TAS2R1: variants seen among roughly 807,000 people sequenced by gnomAD.
TAS2R1 encodes taste 2 receptor member 1.
For synonymous variants in TAS2R1, 141 were observed against 134.2 expected (o/e 1.05, Z -0.35); for missense variants, 370 against 353.4 (o/e 1.05, Z -0.38).
At chr5:9,896,638 T>C in the TAS2R1 span, among the ~76,000 whole-genome samples, 1 of 152,180 alleles carries the variant, frequency 6.6e-6, no homozygotes, top group Non-Finnish European at 1.5e-5. Context: ...TGGCTTTACT[T>C]TGTGCCCCAA....
the TAS2R1 span, among the ~76,000 whole-genome samples, chr5:9,809,716 T>C: frequency 6.6e-6 from 1 of 152,172 alleles, no homozygotes; most frequent in Non-Finnish European, 1.5e-5. Context: ...CTTGATCCAG[T>C]AATAAAAACC....
At chr5:9,643,515 G>A (rs1740126787) in intron 2 of TAS2R1, among the ~76,000 whole-genome samples, 2 of 152,158 alleles carry the variant, frequency 1.3e-5, no homozygotes, top group African/African-American at 2.4e-5. Flanking sequence ...AGAGGTGAGT[G>A]AATGTGAAGG....
At chr5:9,761,860 T>A in the TAS2R1 span, among the ~76,000 whole-genome samples, 1 of 152,224 alleles carries the variant, frequency 6.6e-6, no homozygotes, top group East Asian at 1.9e-4. Context: ...CTCACTTTTC[T>A]TGGCTTTCTG....
At chr5:9,767,986 C>G in the TAS2R1 span, among the ~76,000 whole-genome samples, 1 of 150,720 alleles carries the variant, frequency 6.6e-6, no homozygotes, top group Non-Finnish European at 1.5e-5. Context: ...GTACTGGATT[C>G]CCTTTTTAAT....
At chr5:9,840,865 T>TTA in the TAS2R1 span, among the ~76,000 whole-genome samples, 1 of 5,212 alleles carries the variant, frequency 1.9e-4, no homozygotes. Context: ...TTATTTTTTT[T>TTA]TTTTTTTTTT....
At chr5:9,662,529 C>T (rs1740557107) in intron 1 of TAS2R1, among the ~76,000 whole-genome samples, 1 of 152,194 alleles carries the variant, frequency 6.6e-6, no homozygotes, top group African/African-American at 2.4e-5. Flanking sequence ...CATATGGCCA[C>T]ATCTAACTCC....
At chr5:9,873,749 G>A in the TAS2R1 span, among the ~76,000 whole-genome samples, 1 of 151,764 alleles carries the variant, frequency 6.6e-6, no homozygotes, top group Non-Finnish European at 1.5e-5. Context: ...TGCACTTGTA[G>A]TCCCGGCTAC....
At chr5:9,879,178 A>G in the TAS2R1 span, among the ~76,000 whole-genome samples, 1 of 152,270 alleles carries the variant, frequency 6.6e-6, no homozygotes. Context: ...TTAAAAATCA[A>G]AGTTAATGCA....
chr5:9,841,258 G>T, the TAS2R1 span, among the ~76,000 whole-genome samples: 1 of 152,130 alleles, frequency 6.6e-6, no homozygotes, highest in African/African-American at 2.4e-5. Flanking sequence ...TGAATATGGT[G>T]CTGAATGTCT....
At chr5:9,875,428 G>A in the TAS2R1 span, among the ~76,000 whole-genome samples, 1 of 152,316 alleles carries the variant, frequency 6.6e-6, no homozygotes, top group African/African-American at 2.4e-5. Flanking sequence ...AGTCTTGTCT[G>A]GGGAGACAGA....
chr5:9,755,900 T>G, the TAS2R1 span, among the ~76,000 whole-genome samples: 20 of 152,308 alleles, frequency 1.3e-4, no homozygotes, highest in African/African-American at 4.8e-4. Flanking sequence ...CATCTTGGTT[T>G]TGGTGGGTTT....
the TAS2R1 span, among the ~76,000 whole-genome samples, chr5:9,725,795 G>A: frequency 7.2e-5 from 11 of 152,364 alleles, no homozygotes; most frequent in East Asian, 3.9e-4. Context: ...GGGCTCCTGC[G>A]TCTGGTGGGG....
chr5:9,708,242 C>T (rs374743480), intron 1 of TAS2R1, among the ~76,000 whole-genome samples: 3 of 152,172 alleles, frequency 2.0e-5, no homozygotes, highest in Admixed American at 6.5e-5. Context: ...CGTATCCTAG[C>T]GATGGCAGGC....
At chr5:9,902,570 T>G in the TAS2R1 span, 2 of 152,008 alleles carry the variant, frequency 1.3e-5, no homozygotes, top group African/African-American at 4.8e-5. Flanking sequence ...TCTTCTTAGA[T>G]CCATCATAGA....
chr5:9,685,635 C>T (rs1460417705), intron 1 of TAS2R1, among the ~76,000 whole-genome samples: 1 of 152,078 alleles, frequency 6.6e-6, no homozygotes, highest in East Asian at 1.9e-4. Flanking sequence ...CAACAGATCT[C>T]AAAACTTTGG....
intron 1 of TAS2R1, among the ~76,000 whole-genome samples, chr5:9,674,277 T>C (rs1283863233): frequency 6.6e-6 from 1 of 152,188 alleles, no homozygotes; most frequent in African/African-American, 2.4e-5. Context: ...TAGTATATTA[T>C]GAAATATTTC....
chr5:9,743,917 T>G, the TAS2R1 span, among the ~76,000 whole-genome samples: 1 of 152,258 alleles, frequency 6.6e-6, no homozygotes, highest in South Asian at 2.1e-4. Flanking sequence ...TGAAATTCCA[T>G]TTTTATATTT....
chr5:9,662,081 C>T lies in TAS2R1; in HGVS notation c.-241-2500G>A, dbSNP rs898391503. Among the ~76,000 whole-genome samples the T allele has an allele frequency of 3.3e-5, 5 of 152,140 alleles. No individual in the cohort carries two copies. In the South Asian group the frequency reaches 1.0e-3, roughly 31 times the overall value. Reference sequence around the variant, plus strand: ...CTGGCAGTCAGCAGAAGTTGTGAAGCCTCAGAAGGCTTTTACTCAGAACAG... The same window carrying T: ...CTGGCAGTCAGCAGAAGTTGTGAAGTCTCAGAAGGCTTTTACTCAGAACAG... On this transcript the variant is annotated intron_variant, in intron 1 of 2. Coordinates refer to the TAS2R1 transcript ENST00000506620.
chr5:9,629,800 C>A lies in TAS2R1; in HGVS notation c.233G>T (p.Cys78Phe). 6.2e-7 allele frequency: 1 copy of A among 1,613,980 alleles called. No homozygotes were observed. Among genetic ancestry groups the A allele is most frequent in the Non-Finnish European group, 8.5e-7 (1 of 1,179,946 alleles). Residue 78 changes from cysteine to phenylalanine, a missense_variant, in exon 1 of 1, where the codon TGT becomes TTT. Cys to Phe is a radical substitution (Grantham distance 205). Coordinates refer to ENST00000382492, the MANE Select transcript of TAS2R1 (RefSeq NM_019599.3). ...IVIFFIEFIMCSANCAILLFI... is the reference protein window; with the variant it reads ...IVIFFIEFIMFSANCAILLFI... ...TAAGAGAATTGCACAATTCGCAGAA[C>A]ACATGATGAATTCTATGAAGAAGAT...
Sources: gnomAD v4.1 joint callset for allele counts (sites outside exome capture counted in the v4.1 genomes callset) on GRCh38, gnomAD v4.1.1 for gene constraint, MANE v1.5 for transcripts, NCBI Gene and HGNC (gene_info 2026-07-23, HGNC 2026-07-21) for gene names.